The following NEK1 variants were observed in gnomAD, a reference collection of about 807,000 sequenced individuals.
NEK1 encodes serine/threonine-protein kinase Nek1.
Under a neutral mutation model 182.1 loss-of-function variants are expected in NEK1, and 137 were observed. The observed-to-expected ratio is 0.75, with a 90% CI of 0.65 to 0.87. The LOEUF (loss-of-function observed/expected upper bound fraction) is 0.87. NEK1 is among the 40% of genes least tolerant of loss of function. The pLI is 0.00. For synonymous variants in NEK1, 513 were observed against 492.2 expected (o/e 1.04, Z -0.56); for missense variants, 1,391 against 1,494.4 (o/e 0.93, Z 1.14).
At chr4:169,497,666 A>T (rs1054452111) in intron 23 of NEK1, among the ~76,000 whole-genome samples, 1 of 152,174 alleles carries the variant, frequency 6.6e-6, no homozygotes, top group Admixed American at 6.5e-5. Context: ...TTATGTACCC[A>T]GTAGTCATTC....
At chr4:169,415,460 G>A (rs1409340191) in intron 31 of NEK1, among the ~76,000 whole-genome samples, 7 of 152,108 alleles carry the variant, frequency 4.6e-5, no homozygotes, top group Non-Finnish European at 5.9e-5. Flanking sequence ...TGGGGAATAT[G>A]GCATAGTTTA....
chr4:169,491,148 AAAAAAAAAAAAAAAAG>A (rs1749998893), intron 23 of NEK1, among the ~76,000 whole-genome samples: 1 of 145,406 alleles, frequency 6.9e-6, no homozygotes, highest in East Asian at 1.9e-4. Context: ...AAAAAAAAAA[AAAAAAAAAAAAAAAAG>A]AGAGATGGAG....
intron 18 of NEK1, among the ~76,000 whole-genome samples, chr4:169,539,778 C>T (rs17054999): frequency 0.089 from 13,511 of 152,056 alleles, 790 homozygotes; most frequent in African/African-American, 0.16. Flanking sequence ...TACACCACCA[C>T]CTGCAAGTAG....
intron 26 of NEK1, among the ~76,000 whole-genome samples, chr4:169,469,011 CTTT>C (rs1745444271): frequency 6.6e-6 from 1 of 151,998 alleles, no homozygotes; most frequent in South Asian, 2.1e-4. Flanking sequence ...TTCTTTTCTT[CTTT>C]ATTAGTCTGG....
At chr4:169,433,490 A>G (rs1737809788) in intron 29 of NEK1, 55 bp downstream of exon 29, 2 of 1,535,904 alleles carry the variant, frequency 1.3e-6, no homozygotes, top group South Asian at 1.2e-5. Context: ...TATTTTCTTA[A>G]AAGTTATTAC....
At chr4:169,414,422 A>G (rs1734179447) in intron 31 of NEK1, among the ~76,000 whole-genome samples, 1 of 152,180 alleles carries the variant, frequency 6.6e-6, no homozygotes, top group Admixed American at 6.5e-5. Flanking sequence ...AACCCTATAT[A>G]GAAAATTAAC....
At chr4:169,480,153 T>C (rs2149561011) in intron 23 of NEK1, among the ~76,000 whole-genome samples, 1 of 152,312 alleles carries the variant, frequency 6.6e-6, no homozygotes, top group East Asian at 1.9e-4. Context: ...GCAGGAAGTT[T>C]ACTCCCTACT....
chr4:169,574,380 G>A (rs1765355547), intron 12 of NEK1, among the ~76,000 whole-genome samples: 1 of 152,070 alleles, frequency 6.6e-6, no homozygotes, highest in African/African-American at 2.4e-5. Flanking sequence ...CGGATCATGG[G>A]GTCAGGAGAT....
chr4:169,401,609 T>C (rs1019044537), intron 33 of NEK1, 43 bp downstream of exon 33: 1 of 1,560,032 alleles, frequency 6.4e-7, no homozygotes, highest in Non-Finnish European at 8.8e-7. Flanking sequence ...TTGAAATATT[T>C]GTAAACTGAA....
chr4:169,521,503 T>A (rs1011292105), intron 19 of NEK1, among the ~76,000 whole-genome samples: 1 of 152,132 alleles, frequency 6.6e-6, no homozygotes, highest in Non-Finnish European at 1.5e-5. Context: ...ACCGGAGCTG[T>A]TCCTATTCGG....
intron 27 of NEK1, among the ~76,000 whole-genome samples, chr4:169,443,664 T>C (rs964209235): frequency 6.6e-6 from 1 of 151,792 alleles, no homozygotes; most frequent in African/African-American, 2.4e-5. Context: ...ATATAGACAT[T>C]CAGATACAGG....
At chr4:169,590,914 T>A in intron 5 of NEK1, 105 bp from the exon 6 acceptor site, 1 of 757,756 alleles carries the variant, frequency 1.3e-6, no homozygotes, top group Middle Eastern at 3.1e-4. Flanking sequence ...TATTTTAGGC[T>A]ACAATTTCTT....
intron 7 of NEK1, among the ~76,000 whole-genome samples, chr4:169,589,078 T>C (rs1767999415): frequency 6.6e-6 from 1 of 152,172 alleles, no homozygotes; most frequent in Non-Finnish European, 1.5e-5. Context: ...CCCATAAAGG[T>C]ATATCATGTT....
chr4:169,515,016 G>A (rs932392202), intron 19 of NEK1, among the ~76,000 whole-genome samples: 3 of 151,964 alleles, frequency 2.0e-5, no homozygotes, highest in African/African-American at 7.2e-5. Context: ...ACACATTTTT[G>A]TGCGTTGTGT....
chr4:169,401,260 T>C (rs1731630919), intron 33 of NEK1, among the ~76,000 whole-genome samples: 1 of 152,178 alleles, frequency 6.6e-6, no homozygotes, highest in Non-Finnish European at 1.5e-5. Flanking sequence ...AGTTTACAAA[T>C]TTACGAAAAG....
intron 12 of NEK1, among the ~76,000 whole-genome samples, chr4:169,570,619 C>T (rs1442173760): frequency 6.6e-6 from 1 of 152,136 alleles, no homozygotes; most frequent in East Asian, 1.9e-4. Context: ...TCTGCCCGGC[C>T]GCCCCTGCTA....
intron 29 of NEK1, among the ~76,000 whole-genome samples, chr4:169,431,221 C>G (rs548088043): frequency 2.6e-5 from 4 of 152,092 alleles, no homozygotes; most frequent in African/African-American, 9.6e-5. Flanking sequence ...TTAAGCAAGA[C>G]TAAAACAATG....
rs899270292 is a variant in NEK1, at chr4:169,495,368, C to T, written c.2007+11669G>A. On this transcript the variant is annotated intron_variant, in intron 23 of 35. Coordinates refer to ENST00000507142, the MANE Select transcript of NEK1 (RefSeq NM_001199397.3). Reference sequence around the variant, plus strand: ...ACGCCATTCTCCTGCCTCAGCCTCCCGTGTAGCTGGGACTACAGGCGCGCG... The same window carrying T: ...ACGCCATTCTCCTGCCTCAGCCTCCTGTGTAGCTGGGACTACAGGCGCGCG... Among the ~76,000 whole-genome samples the T allele has an allele frequency of 1.2e-4, 18 of 151,816 alleles. 1 individual carries two copies. The highest frequency in any genetic ancestry group is 4.1e-4 in the African/African-American group (17 of 41,422).
chr4:169,431,243 T>G (rs1017485001), intron 29 of NEK1, among the ~76,000 whole-genome samples: 9 of 152,158 alleles, frequency 5.9e-5, no homozygotes, highest in African/African-American at 2.2e-4. Context: ...TATTTTATAA[T>G]GCTATAATGT....
Sources: gnomAD v4.1 joint callset for allele counts (sites outside exome capture counted in the v4.1 genomes callset) on GRCh38, gnomAD v4.1.1 for gene constraint, MANE v1.5 for transcripts, NCBI Gene and HGNC (gene_info 2026-07-23, HGNC 2026-07-21) for gene names.